Variants in CACNA1C observed in about 807,000 individuals in gnomAD.
The protein encoded by CACNA1C is calcium voltage-gated channel subunit alpha1 C.
CACNA1C carries 30 observed loss-of-function variants against 229.0 expected under a neutral mutation model. The observed-to-expected ratio is 0.13, with a 90% CI of 0.10 to 0.18. The LOEUF (loss-of-function observed/expected upper bound fraction) is 0.18, where lower values mean the gene tolerates loss of function less well. Ranked by LOEUF, CACNA1C falls within the 10% of genes least tolerant of loss-of-function variation. The probability of loss-of-function intolerance (pLI) is 1.00; values close to 1 mark genes in which losing one functional copy is unlikely to be tolerated. For synonymous variants in CACNA1C, 1,114 were observed against 1,132.5 expected, an observed-to-expected ratio of 0.98 and a Z score of 0.33; for missense variants, 1,658 against 2,845.0, an observed-to-expected ratio of 0.58 and a Z score of 9.49.
At chr12:2,682,812 C>T in intron 43 of CACNA1C, 134 bp downstream of exon 43, 2 of 630,652 alleles carry the variant, frequency 3.2e-6, no homozygotes, top group Non-Finnish European at 4.4e-6. Flanking sequence ...AACATCTGCA[C>T]CGCCTCTTTC....
chr12:2,367,765 G>A (rs2154536328), intron 3 of CACNA1C, among the ~76,000 whole-genome samples: 2 of 152,204 alleles, frequency 1.3e-5, no homozygotes, highest in Middle Eastern at 6.8e-3. Context: ...GAGAATGAAT[G>A]CTATTCATAG....
intron 3 of CACNA1C, among the ~76,000 whole-genome samples, chr12:2,265,985 C>G (rs768178394): frequency 1.4e-4 from 22 of 152,356 alleles, no homozygotes; most frequent in Admixed American, 8.5e-4. Flanking sequence ...ATCCAAACAC[C>G]CACACTGTAT....
chr12:2,367,687 A>T (rs574413837), intron 3 of CACNA1C, among the ~76,000 whole-genome samples: 1 of 152,338 alleles, frequency 6.6e-6, no homozygotes, highest in East Asian at 1.9e-4. Context: ...ACAAAATTTA[A>T]TTAATTTACC....
At chr12:2,311,526 C>T (rs575061265) in intron 3 of CACNA1C, among the ~76,000 whole-genome samples, 1 of 152,318 alleles carries the variant, frequency 6.6e-6, no homozygotes, top group Admixed American at 6.5e-5. Context: ...CAGTCCCAAC[C>T]TGAGAAGAGG....
At chr12:2,408,417 A>C (rs2098762972) in intron 3 of CACNA1C, among the ~76,000 whole-genome samples, 1 of 152,096 alleles carries the variant, frequency 6.6e-6, no homozygotes, top group African/African-American at 2.4e-5. Flanking sequence ...ATTTTACCAC[A>C]GTTTTACAAA....
In CACNA1C at chr12:2,092,444, A is replaced by T. The variant is rs140363444; in HGVS notation, c.50-22780A>T. 4.9e-4 allele frequency among the ~76,000 whole-genome samples: 75 copies of T among 152,298 alleles called. 1 individual carries two copies. The East Asian group carries it at 0.013, about 27-fold the overall frequency. On this transcript the variant is annotated intron_variant, in intron 1 of 46. Transcript: ENST00000399655. ...ATCCTGTAACTCAATATGTGTGGTG[A>T]CTGGCATGGGCATCCGTATTCAAGG...
At chr12:2,111,038 CTCCTGTGCAGGG>C (rs776482155) in intron 1 of CACNA1C, among the ~76,000 whole-genome samples, 141 of 125,006 alleles carry the variant, frequency 1.1e-3, no homozygotes, top group Non-Finnish European at 2.1e-3. Context: ...CGGCTCTGCA[CTCCTGTGCAGGG>C]CCCTAGTCAT....
At chr12:2,089,277 TG>T (rs1195106331) in intron 1 of CACNA1C, among the ~76,000 whole-genome samples, 1 of 152,180 alleles carries the variant, frequency 6.6e-6, no homozygotes, top group African/African-American at 2.4e-5. Context: ...AAGCCATTGA[TG>T]TGGGGGCGAG....
chr12:2,526,089 C>T (rs974802506), intron 9 of CACNA1C, among the ~76,000 whole-genome samples: 9 of 152,130 alleles, frequency 5.9e-5, no homozygotes, highest in African/African-American at 2.2e-4. Context: ...GAAGGGCTGG[C>T]TCATTTATGT....
chr12:2,398,317 C>T (rs1011795802), intron 3 of CACNA1C, among the ~76,000 whole-genome samples: 4 of 152,250 alleles, frequency 2.6e-5, no homozygotes, highest in Admixed American at 6.5e-5. Flanking sequence ...AGCTTTACCT[C>T]GTGAAGTTTG....
intron 9 of CACNA1C, among the ~76,000 whole-genome samples, chr12:2,540,230 A>G: frequency 6.6e-6 from 1 of 152,206 alleles, no homozygotes; most frequent in East Asian, 1.9e-4. Context: ...GTCTGAGGAC[A>G]GACTCTCAAC....
intron 9 of CACNA1C, among the ~76,000 whole-genome samples, chr12:2,545,903 C>T (rs1330555663): frequency 6.6e-6 from 1 of 152,260 alleles, no homozygotes; most frequent in African/African-American, 2.4e-5. Context: ...TCCAGAACTC[C>T]AAGTCCATAC....
chr12:2,299,168 C>T (rs550000736), intron 3 of CACNA1C, among the ~76,000 whole-genome samples: 15 of 152,170 alleles, frequency 9.9e-5, no homozygotes, highest in African/African-American at 2.9e-4. Context: ...CAACTTTATG[C>T]GCTATGCGTT....
intron 3 of CACNA1C, among the ~76,000 whole-genome samples, chr12:2,239,025 A>G (rs2068648754): frequency 6.6e-6 from 1 of 152,226 alleles, no homozygotes; most frequent in South Asian, 2.1e-4. Flanking sequence ...ACATGACATA[A>G]CACATATGAA....
intron 3 of CACNA1C, chr12:2,223,358 C>G (rs1424250848): frequency 6.6e-6 from 1 of 152,200 alleles, no homozygotes; most frequent in Non-Finnish European, 1.5e-5. Context: ...GAAAATATAG[C>G]ACATACCAGT....
intron 3 of CACNA1C, among the ~76,000 whole-genome samples, chr12:2,355,118 C>T (rs751273494): frequency 1.3e-5 from 2 of 152,354 alleles, no homozygotes; most frequent in South Asian, 2.1e-4. Context: ...CCTTCTACCG[C>T]ACACACCGTC....
chr12:2,119,029 G>A (rs1230728110), intron 2 of CACNA1C, among the ~76,000 whole-genome samples: 1 of 152,190 alleles, frequency 6.6e-6, no homozygotes, highest in Non-Finnish European at 1.5e-5. Flanking sequence ...GCTGGCCCAG[G>A]GCTGCCCCTT....
At chr12:2,098,208 G>T (rs1299529830) in intron 1 of CACNA1C, among the ~76,000 whole-genome samples, 1 of 152,204 alleles carries the variant, frequency 6.6e-6, no homozygotes, top group Non-Finnish European at 1.5e-5. Flanking sequence ...AGCCTCAGGG[G>T]AGACTTGCAT....
intron 29 of CACNA1C, among the ~76,000 whole-genome samples, chr12:2,620,880 C>A (rs529634377): frequency 2.8e-4 from 43 of 152,170 alleles, no homozygotes; most frequent in Non-Finnish European, 5.4e-4. Flanking sequence ...TGCATGCATG[C>A]ATGAATGGAT....
Sources: gnomAD v4.1 joint callset for allele counts (sites outside exome capture counted in the v4.1 genomes callset) on GRCh38, gnomAD v4.1.1 for gene constraint, MANE v1.5 for transcripts, NCBI Gene and HGNC (gene_info 2026-07-23, HGNC 2026-07-21) for gene names.